BARD1: variants seen among roughly 807,000 people sequenced by gnomAD.
The protein encoded by BARD1 is BRCA1 associated RING domain 1.
BARD1 carries 73 observed loss-of-function variants against 77.0 expected under a neutral mutation model. That is an observed-to-expected ratio of 0.95 (90% CI 0.79 to 1.15). The LOEUF (loss-of-function observed/expected upper bound fraction) is 1.15, where lower values mean the gene tolerates loss of function less well. Ranked by LOEUF, BARD1 falls within the 50% of genes most tolerant of loss-of-function variation. The probability of loss-of-function intolerance (pLI) is 0.00; values close to 1 mark genes in which losing one functional copy is unlikely to be tolerated. For synonymous variants in BARD1, 384 were observed against 338.0 expected (o/e 1.14, Z -1.49); for missense variants, 993 against 938.8 (o/e 1.06, Z -0.75).
rs1005793592 is a variant in BARD1 at position 214,742,826 on chromosome 2, G to A, written c.1903+2241C>T. 2.6e-5 allele frequency among the ~76,000 whole-genome samples: 4 copies of A among 152,148 alleles called. No individual in the cohort carries two copies. In the East Asian group the frequency reaches 5.8e-4, roughly 22 times the overall value. On this transcript the variant is annotated intron_variant, in intron 9 of 10. Transcript: ENST00000260947. ...TAAATGTCTTAACATTCAAAATTTC[G>A]TATGGCTTCTTTATTACTGCGACCT... is the stretch of plus-strand genomic sequence containing the variant.
intron 3 of BARD1, among the ~76,000 whole-genome samples, chr2:214,784,807 A>G (rs554510002): frequency 1.2e-4 from 19 of 152,120 alleles, no homozygotes; most frequent in Non-Finnish European, 2.4e-4. Context: ...GTTCTCACTC[A>G]TAAGTGGGAG....
intron 5 of BARD1, among the ~76,000 whole-genome samples, chr2:214,768,668 C>T (rs531384507): frequency 1.3e-5 from 2 of 152,336 alleles, no homozygotes; most frequent in East Asian, 3.9e-4. Flanking sequence ...AATTGGCCTA[C>T]ATACCAATTG....
intron 7 of BARD1, 109 bp downstream of exon 7, chr2:214,752,338 T>C: frequency 1.2e-6 from 1 of 857,858 alleles, no homozygotes; most frequent in Non-Finnish European, 1.9e-6. Flanking sequence ...GCTCAATAAT[T>C]GTTTGGTGAA....
chr2:214,733,659 T>C (rs1244886732), intron 9 of BARD1, among the ~76,000 whole-genome samples: 2 of 152,334 alleles, frequency 1.3e-5, no homozygotes, highest in East Asian at 3.9e-4. Context: ...TAATATTGTA[T>C]GCTCTATCTC....
In BARD1 at chr2:214,728,575, ACT is replaced by A. The variant is rs1365484946; in HGVS notation, c.*99_*100del. 6.8e-5 allele frequency: 70 copies of A among 1,035,894 alleles called. No homozygotes were observed. The highest frequency in any genetic ancestry group is 3.4e-4 in the South Asian group (23 of 68,286). 64.2% of individuals were successfully genotyped at this position (1,035,894 alleles called of 1,614,324 possible). A position where few individuals can be genotyped will look rare whatever the true frequency, so the allele number is the denominator to read the frequency against. ...TTTGATTCAAAGACAAATATGAATG[ACT>A]CTACCTATTTGTAAAAATGTGAACA... is the stretch of plus-strand genomic sequence containing the variant. On this transcript the variant is annotated 3_prime_UTR_variant, in exon 11 of 11. Transcript: ENST00000260947.
At chr2:214,797,263 G>A in intron 1 of BARD1, 146 bp from the exon 2 acceptor site, 1 of 736,772 alleles carries the variant, frequency 1.4e-6, no homozygotes, top group South Asian at 1.5e-5. Flanking sequence ...TTGAAAGGCT[G>A]TTACTCCCTG....
intron 7 of BARD1, among the ~76,000 whole-genome samples, chr2:214,746,674 A>G (rs1245044788): frequency 2.0e-5 from 3 of 152,194 alleles, no homozygotes; most frequent in Non-Finnish European, 4.4e-5. Context: ...CCTAGTCACT[A>G]AATTGTAAGA....
Position 214,803,707 on chromosome 2 carries a change from G to A in BARD1, c.158+5705C>T, listed in dbSNP as rs189179434. 3.4e-4 allele frequency among the ~76,000 whole-genome samples: 52 copies of A among 152,164 alleles called. 2 individuals are homozygous for A. The East Asian group carries it at 9.5e-3, about 28-fold the overall frequency. On this transcript the variant is annotated intron_variant, in intron 1 of 10. Coordinates refer to ENST00000260947, the MANE Select transcript of BARD1 (RefSeq NM_000465.4). Reference sequence around the variant, plus strand: ...ATACTAAGGGAACTCAGAGGCTGGCGGGATCCTCCATATGCTGAACGCTGG... The same window carrying A: ...ATACTAAGGGAACTCAGAGGCTGGCAGGATCCTCCATATGCTGAACGCTGG...
chr2:214,751,020 T>C (rs1012883953), intron 7 of BARD1, among the ~76,000 whole-genome samples: 2 of 150,074 alleles, frequency 1.3e-5, no homozygotes, highest in South Asian at 4.2e-4. Flanking sequence ...AGCATTCTAT[T>C]AGACACTCTG....
chr2:214,771,338 C>G (rs1291161352), intron 4 of BARD1, among the ~76,000 whole-genome samples: 3 of 152,158 alleles, frequency 2.0e-5, no homozygotes. Flanking sequence ...CAACCCCTCT[C>G]CCAATACTTT....
intron 7 of BARD1, among the ~76,000 whole-genome samples, chr2:214,751,431 G>A (rs565799540): frequency 6.6e-6 from 1 of 151,616 alleles, no homozygotes; most frequent in South Asian, 2.1e-4. Context: ...CCAAAGTGCT[G>A]GGATTACAGG....
intron 6 of BARD1, among the ~76,000 whole-genome samples, chr2:214,755,197 T>G (rs10498020): frequency 0.13 from 20,309 of 152,176 alleles, 1,502 homozygotes; most frequent in East Asian, 0.31. Flanking sequence ...ACATGACTTA[T>G]TACTAAATAG....
At chr2:214,740,041 G>A (rs1264691038) in intron 9 of BARD1, among the ~76,000 whole-genome samples, 7 of 151,944 alleles carry the variant, frequency 4.6e-5, no homozygotes, top group Admixed American at 3.3e-4. Context: ...CTTGTATTAT[G>A]AATAATATCA....
intron 2 of BARD1, among the ~76,000 whole-genome samples, chr2:214,795,368 C>T (rs542840030): frequency 2.0e-5 from 3 of 152,024 alleles, no homozygotes; most frequent in African/African-American, 2.4e-5. Context: ...CAGTGTGAGC[C>T]AGAGGTAAAT....
At position 214,767,657 on chromosome 2, in the gene BARD1, A is replaced by C. The variant is rs1574789181; in HGVS notation, c.1396-3T>G. The C allele has an allele frequency of 3.1e-6, 5 of 1,613,760 alleles. No homozygotes were observed. Among genetic ancestry groups the C allele is most frequent in the Non-Finnish European group, 4.2e-6 (5 of 1,179,808 alleles). ...TGCCCATGATTGCAAGCTTCATGCTAATTAAATTTTTTGAAAAAGAAGTGA... is the reference window on the plus strand; with the variant it reads ...TGCCCATGATTGCAAGCTTCATGCTCATTAAATTTTTTGAAAAAGAAGTGA... On this transcript the variant is annotated splice_polypyrimidine_tract_variant and splice_region_variant and intron_variant, in intron 5 of 10. Transcript: ENST00000260947.
At chr2:214,799,559 C>T (rs1280441683) in intron 1 of BARD1, among the ~76,000 whole-genome samples, 2 of 152,086 alleles carry the variant, frequency 1.3e-5, no homozygotes, top group African/African-American at 2.4e-5. Flanking sequence ...GAGGAAAATT[C>T]GATCTCCTTT....
Position 214,751,133 on chromosome 2 carries a change from A to T in BARD1, c.1677+1314T>A, listed in dbSNP as rs1276679404. Among the ~76,000 whole-genome samples, 7 of 16,292 alleles carry T rather than the reference A, an allele frequency of 4.3e-4. 1 individual carries two copies. Among genetic ancestry groups the T allele is most frequent in the African/African-American group, 7.0e-4 (5 of 7,182 alleles). The allele number at this position is 16,292 out of a possible 152,430, so 10.7% of individuals were successfully genotyped here. A position where few individuals can be genotyped will look rare whatever the true frequency, so the allele number is the denominator to read the frequency against. ...TGTGTGTGTGTATATATATATATAT[A>T]TATATATATATATATATATTTTTTT... is the stretch of plus-strand genomic sequence containing the variant. On this transcript the variant is annotated intron_variant, in intron 7 of 10. Coordinates refer to ENST00000260947, the MANE Select transcript of BARD1 (RefSeq NM_000465.4).
intron 3 of BARD1, among the ~76,000 whole-genome samples, chr2:214,790,129 G>A (rs895071661): frequency 2.6e-5 from 4 of 152,064 alleles, no homozygotes; most frequent in Non-Finnish European, 5.9e-5. Context: ...TAAAATTTCT[G>A]GAAAGGAGTC....
intron 2 of BARD1, among the ~76,000 whole-genome samples, chr2:214,793,229 T>C (rs1574841543): frequency 6.6e-6 from 1 of 152,308 alleles, no homozygotes; most frequent in East Asian, 1.9e-4. Context: ...CAATCCTCTG[T>C]AGGCAGAGAG....
Sources: allele counts gnomAD v4.1 joint callset (sites outside exome capture counted in the v4.1 genomes callset), GRCh38; gene constraint gnomAD v4.1.1; transcripts MANE v1.5; gene names NCBI Gene and HGNC (gene_info 2026-07-23, HGNC 2026-07-21).